The following MYOM1 variants were observed in gnomAD, a reference collection of about 807,000 sequenced individuals.
MYOM1 encodes myomesin 1.
In MYOM1, 164 loss-of-function variants were observed where a neutral mutation model predicts 205.3. That is an observed-to-expected ratio of 0.80 (90% confidence interval 0.70 to 0.91). MYOM1 has a LOEUF of 0.91. Ranked by LOEUF, MYOM1 falls within the 40% of genes least tolerant of loss-of-function variation. MYOM1 has a pLI of 0.00. For synonymous variants in MYOM1, 772 were observed against 789.4 expected, an observed-to-expected ratio of 0.98 and a Z score of 0.37; for missense variants, 2,011 against 2,127.3, an observed-to-expected ratio of 0.95 and a Z score of 1.08.
chr18:3,226,732 A>G, the MYOM1 span, among the ~76,000 whole-genome samples: 1 of 152,148 alleles, frequency 6.6e-6, no homozygotes, highest in Non-Finnish European at 1.5e-5. The surrounding 1 kb of genome is among the most constrained non-coding windows in gnomAD (Gnocchi z 4.6). Context: ...CTCTATGGCT[A>G]GGTGCTCCCA....
the MYOM1 span, among the ~76,000 whole-genome samples, chr18:3,228,348 T>TA: frequency 6.6e-6 from 1 of 152,192 alleles, no homozygotes; most frequent in Non-Finnish European, 1.5e-5. The surrounding 1 kb of genome is among the most constrained non-coding windows in gnomAD (Gnocchi z 4.5). Context: ...TGGAGACACT[T>TA]ACTCTGTCTT....
At chr18:3,233,378 C>T in the MYOM1 span, among the ~76,000 whole-genome samples, 1 of 152,180 alleles carries the variant, frequency 6.6e-6, no homozygotes, top group East Asian at 1.9e-4. Flanking sequence ...CATGACATGG[C>T]TAGCACTCTG....
the MYOM1 span, among the ~76,000 whole-genome samples, chr18:3,227,073 GC>G: frequency 6.6e-6 from 1 of 152,088 alleles, no homozygotes; most frequent in Non-Finnish European, 1.5e-5. Context: ...AGACCCCAAA[GC>G]CCATTTTCTA....
At chr18:3,217,961 AAAAC>A (rs1271154562) in intron 1 of MYOM1, among the ~76,000 whole-genome samples, 2 of 152,194 alleles carry the variant, frequency 1.3e-5, no homozygotes, top group Non-Finnish European at 2.9e-5. Flanking sequence ...AAAACAAAAC[AAAAC>A]AAACAAAAAA....
At chr18:3,216,611 GTTCT>G (rs2081270287) in intron 1 of MYOM1, among the ~76,000 whole-genome samples, 2 of 152,212 alleles carry the variant, frequency 1.3e-5, no homozygotes, top group Non-Finnish European at 2.9e-5. Flanking sequence ...ATTGGCAGGG[GTTCT>G]GGGATGGGAG....
chr18:3,095,512 G>A (rs2143733006), intron 25 of MYOM1, among the ~76,000 whole-genome samples: 1 of 152,302 alleles, frequency 6.6e-6, no homozygotes, highest in African/African-American at 2.4e-5. Context: ...AGGTTGCAGT[G>A]AGCCGAGATC....
intron 13 of MYOM1, 32 bp from the exon 14 acceptor site, chr18:3,142,095 A>G: frequency 6.2e-7 from 1 of 1,610,470 alleles, no homozygotes; most frequent in South Asian, 1.1e-5. Context: ...TGAGAAGCAC[A>G]CATTCTGGGT....
At chr18:3,192,371 T>G (rs1368427781) in intron 3 of MYOM1, among the ~76,000 whole-genome samples, 1 of 152,168 alleles carries the variant, frequency 6.6e-6, no homozygotes, top group African/African-American at 2.4e-5. Context: ...AGCAAAGATA[T>G]CAAATAAAAA....
intron 23 of MYOM1, 109 bp from the exon 24 acceptor site, chr18:3,100,535 T>A (rs1200733341): frequency 1.4e-6 from 1 of 737,272 alleles, no homozygotes; most frequent in African/African-American, 1.8e-5. Context: ...TCTGGACACC[T>A]CCTCTCATCT....
intron 19 of MYOM1, among the ~76,000 whole-genome samples, chr18:3,121,643 GT>G (rs1273869911): frequency 6.6e-6 from 1 of 151,982 alleles, no homozygotes; most frequent in Non-Finnish European, 1.5e-5. Context: ...AAGGGGTAAA[GT>G]TTTTAAGGCC....
intron 3 of MYOM1, among the ~76,000 whole-genome samples, chr18:3,192,492 G>C (rs2080924994): frequency 1.3e-5 from 2 of 152,232 alleles, no homozygotes; most frequent in African/African-American, 4.8e-5. Flanking sequence ...GCAATGGAAA[G>C]AAAAACACAG....
intron 9 of MYOM1, among the ~76,000 whole-genome samples, chr18:3,165,786 G>A (rs901052176): frequency 3.9e-5 from 6 of 152,084 alleles, no homozygotes; most frequent in African/African-American, 9.7e-5. Context: ...CCTCCATGCC[G>A]AGCCCCTTCT....
rs1015262646 is a variant in MYOM1, at chr18:3,129,565, G to A, written c.2507-46C>T. On this transcript the variant is annotated intron_variant, in intron 17 of 37. Coordinates refer to ENST00000356443, the MANE Select transcript of MYOM1 (RefSeq NM_003803.4). ...CAGAAACGCATTGAGCCCGGACAGA[G>A]TATCAGCTGCTCTTATAGGATAGAA... 5 of 1,561,108 alleles carry A rather than the reference G, an allele frequency of 3.2e-6. No individual in the cohort carries two copies. The African/African-American group carries it at 5.4e-5, about 17-fold the overall frequency.
intron 9 of MYOM1, among the ~76,000 whole-genome samples, chr18:3,164,829 A>T (rs1322863957): frequency 6.6e-6 from 1 of 152,238 alleles, no homozygotes; most frequent in African/African-American, 2.4e-5. Context: ...TTGTATATGC[A>T]ATCAATAATA....
chr18:3,112,550 T>C (rs887543535), intron 21 of MYOM1, 138 bp from the exon 22 acceptor site: 1 of 551,608 alleles, frequency 1.8e-6, no homozygotes, highest in Non-Finnish European at 3.0e-6. Context: ...GTGGTCTAGA[T>C]TTGATTCTGT....
At chr18:3,075,424 T>C (rs2079009956) in intron 36 of MYOM1, 30 bp downstream of exon 36, 3 of 1,601,118 alleles carry the variant, frequency 1.9e-6, no homozygotes, top group African/African-American at 2.7e-5. Context: ...CCAGGAGTAC[T>C]TGTGAAAAGT....
At chr18:3,158,094 A>C (rs950230398) in intron 10 of MYOM1, among the ~76,000 whole-genome samples, 1 of 152,228 alleles carries the variant, frequency 6.6e-6, no homozygotes, top group Non-Finnish European at 1.5e-5. Context: ...ATCAAAAAAT[A>C]TGTTAAAATC....
At chr18:3,119,709 T>C (rs1420266601) in intron 20 of MYOM1, among the ~76,000 whole-genome samples, 160 bp downstream of exon 20, 2 of 152,222 alleles carry the variant, frequency 1.3e-5, no homozygotes, top group African/African-American at 4.8e-5. Flanking sequence ...TACCTATTAT[T>C]TAATATTATC....
At chr18:3,073,727 G>A (rs1471857827) in intron 36 of MYOM1, among the ~76,000 whole-genome samples, 2 of 152,234 alleles carry the variant, frequency 1.3e-5, no homozygotes, top group Non-Finnish European at 2.9e-5. Flanking sequence ...GCCTGGGCAT[G>A]CCCACATGTG....
Sources: gnomAD v4.1 joint callset for allele counts (sites outside exome capture counted in the v4.1 genomes callset) on GRCh38, gnomAD v4.1.1 for gene constraint, Gnocchi (gnomAD v3.1) non-coding constraint, MANE v1.5 for transcripts, NCBI Gene and HGNC (gene_info 2026-07-23, HGNC 2026-07-21) for gene names.